PTPRT: variants seen among roughly 807,000 people sequenced by gnomAD.
PTPRT encodes protein tyrosine phosphatase receptor type T.
PTPRT carries 56 observed loss-of-function variants against 176.8 expected under a neutral mutation model. The ratio of observed to expected loss-of-function variants is 0.32; its 90% CI spans 0.26 to 0.40. The LOEUF (loss-of-function observed/expected upper bound fraction) is 0.40, where lower values mean the gene tolerates loss of function less well. Ranked by LOEUF, PTPRT falls within the 10% of genes least tolerant of loss-of-function variation. The pLI is 1.00. For synonymous variants in PTPRT, 783 were observed against 739.0 expected, an observed-to-expected ratio of 1.06 and a Z score of -0.96; for missense variants, 1,540 against 1,908.2, an observed-to-expected ratio of 0.81 and a Z score of 3.60.
At chr20:42,039,692 G>GTATATATATATATATATATATATATATA in the PTPRT span, among the ~76,000 whole-genome samples, 2,736 of 112,500 alleles carry the variant, frequency 0.024, 227 homozygotes, top group Non-Finnish European at 0.04. Flanking sequence ...ATTCTGTTGT[G>GTATATATATATATATATATATATATATA]TATATATATA....
At chr20:42,559,619 T>G (rs1458192993) in intron 7 of PTPRT, among the ~76,000 whole-genome samples, 1 of 152,200 alleles carries the variant, frequency 6.6e-6, no homozygotes, top group Admixed American at 6.5e-5. Flanking sequence ...CATGACATTA[T>G]AGTCTCTTCC....
At chr20:42,913,077 T>C (rs1260815862) in intron 1 of PTPRT, among the ~76,000 whole-genome samples, 1 of 152,092 alleles carries the variant, frequency 6.6e-6, no homozygotes, top group Non-Finnish European at 1.5e-5. Context: ...AATCATCTCT[T>C]CTTTACAAAA....
At chr20:42,636,022 A>G (rs1019242301) in intron 7 of PTPRT, among the ~76,000 whole-genome samples, 1 of 152,176 alleles carries the variant, frequency 6.6e-6, no homozygotes, top group African/African-American at 2.4e-5. Flanking sequence ...AATGCTGAAT[A>G]TATTTCTAAA....
chr20:42,841,335 C>A (rs1055301251), intron 2 of PTPRT, among the ~76,000 whole-genome samples: 1 of 152,132 alleles, frequency 6.6e-6, no homozygotes, highest in African/African-American at 2.4e-5. Flanking sequence ...TCTGTTTCCC[C>A]ACCTTTAAAA....
intron 1 of PTPRT, among the ~76,000 whole-genome samples, chr20:42,924,766 T>A (rs183190068): frequency 6.0e-4 from 92 of 152,262 alleles, no homozygotes; most frequent in South Asian, 3.1e-3. Context: ...CAAAGGTGAG[T>A]GGAGATTTGA....
At chr20:42,053,545 C>T in the PTPRT span, among the ~76,000 whole-genome samples, 1 of 152,154 alleles carries the variant, frequency 6.6e-6, no homozygotes, top group Non-Finnish European at 1.5e-5. Flanking sequence ...TTATTTAGCT[C>T]AGGAGATGCT....
chr20:42,246,292 C>T (rs530347361), intron 14 of PTPRT, among the ~76,000 whole-genome samples: 1 of 151,964 alleles, frequency 6.6e-6, no homozygotes, highest in Admixed American at 6.6e-5. Flanking sequence ...CTCTTCCTCC[C>T]CATTTTCTCC....
chr20:42,545,376 C>A (rs2072656365), intron 7 of PTPRT, among the ~76,000 whole-genome samples: 1 of 152,170 alleles, frequency 6.6e-6, no homozygotes, highest in African/African-American at 2.4e-5. Context: ...GCAGCCAGAG[C>A]CAGCTGACAG....
intron 1 of PTPRT, among the ~76,000 whole-genome samples, chr20:43,170,299 A>T (rs557788913): frequency 1.3e-5 from 2 of 152,286 alleles, no homozygotes; most frequent in Admixed American, 1.3e-4. Context: ...ATCTAATGAG[A>T]TAGGCACTAT....
chr20:42,205,608 TG>T (rs1202680521), intron 15 of PTPRT, among the ~76,000 whole-genome samples: 1 of 152,038 alleles, frequency 6.6e-6, no homozygotes, highest in Non-Finnish European at 1.5e-5. Flanking sequence ...AGCCAACTGG[TG>T]GGGGCAGGAG....
chr20:42,662,968 G>A (rs200485420), intron 7 of PTPRT, among the ~76,000 whole-genome samples: 1 of 38,174 alleles, frequency 2.6e-5, no homozygotes, highest in South Asian at 5.3e-4. Context: ...CTGAATATAT[G>A]TGTGTGTGTG....
chr20:42,059,921 C>T, the PTPRT span, among the ~76,000 whole-genome samples: 33 of 152,108 alleles, frequency 2.2e-4, no homozygotes, highest in African/African-American at 7.7e-4. Flanking sequence ...CTTTGGTTTT[C>T]CCATACATAA....
intron 1 of PTPRT, among the ~76,000 whole-genome samples, chr20:42,975,422 T>C (rs950274075): frequency 1.3e-5 from 2 of 152,230 alleles, no homozygotes; most frequent in Non-Finnish European, 2.9e-5. Context: ...AAAAAATGTA[T>C]GGATTCTTAT....
intron 8 of PTPRT, among the ~76,000 whole-genome samples, chr20:42,461,309 A>G (rs1171811097): frequency 6.6e-6 from 1 of 152,232 alleles, no homozygotes; most frequent in African/African-American, 2.4e-5. Context: ...CCTGGGCAAC[A>G]AGAGTGAAAC....
At chr20:43,129,775 T>C (rs6065577) in intron 1 of PTPRT, among the ~76,000 whole-genome samples, 142,128 of 150,218 alleles carry the variant, frequency 0.95, 67,750 homozygotes, top group East Asian at 1. Context: ...CCCGCCACTA[T>C]GCCCGGCTAA....
chr20:42,747,770 G>A (rs1362284681), intron 6 of PTPRT, among the ~76,000 whole-genome samples: 1 of 152,126 alleles, frequency 6.6e-6, no homozygotes, highest in Admixed American at 6.5e-5. Context: ...CAAATATGGG[G>A]GTGGGGCATT....
At chr20:42,111,812 A>ACT (rs1223722489) in intron 22 of PTPRT, among the ~76,000 whole-genome samples, 1 of 152,170 alleles carries the variant, frequency 6.6e-6, no homozygotes, top group Non-Finnish European at 1.5e-5. Flanking sequence ...CACAGTCTGC[A>ACT]CTCTTAATCA....
At chr20:42,109,502 G>T (rs1393706156) in intron 23 of PTPRT, among the ~76,000 whole-genome samples, 1 of 152,196 alleles carries the variant, frequency 6.6e-6, no homozygotes, top group Non-Finnish European at 1.5e-5. Flanking sequence ...TCATAATAAG[G>T]TAAAACCTGG....
intron 1 of PTPRT, among the ~76,000 whole-genome samples, chr20:42,938,505 A>G (rs1163644371): frequency 6.6e-6 from 1 of 152,212 alleles, no homozygotes. Context: ...GGCTGGCAAC[A>G]TATGAGAGAA....
Sources: allele counts gnomAD v4.1 joint callset (sites outside exome capture counted in the v4.1 genomes callset), GRCh38; gene constraint gnomAD v4.1.1; transcripts MANE v1.5; gene names NCBI Gene and HGNC (gene_info 2026-07-23, HGNC 2026-07-21).